Variants in MACROD2 observed in about 807,000 individuals in gnomAD.
MACROD2 encodes mono-ADP ribosylhydrolase 2, also known as ADP-ribose glycohydrolase MACROD2.
In MACROD2, 36 loss-of-function variants were observed where a neutral mutation model predicts 70.4. That is an observed-to-expected ratio of 0.51 (90% confidence interval 0.39 to 0.68). The LOEUF is 0.68. MACROD2 is among the 30% of genes least tolerant of loss of function. MACROD2 has a pLI of 0.00. For synonymous variants in MACROD2, 172 were observed against 178.8 expected (o/e 0.96, Z 0.30); for missense variants, 496 against 538.4 (o/e 0.92, Z 0.78).
chr20:15,215,377 A>C (rs1014170114), intron 5 of MACROD2, among the ~76,000 whole-genome samples: 2 of 151,734 alleles, frequency 1.3e-5, no homozygotes, highest in Non-Finnish European at 2.9e-5. Context: ...AAAACTATGA[A>C]GATCTTAGCA....
chr20:15,749,266 T>A (rs752428765), intron 8 of MACROD2, among the ~76,000 whole-genome samples: 2 of 152,112 alleles, frequency 1.3e-5, no homozygotes, highest in Non-Finnish European at 2.9e-5. Context: ...CACTTGCTGG[T>A]CTGTTATGAA....
intron 15 of MACROD2, among the ~76,000 whole-genome samples, chr20:15,993,393 T>C (rs547899222): frequency 6.6e-6 from 1 of 152,206 alleles, no homozygotes; most frequent in East Asian, 1.9e-4. Context: ...TAGTTATGTT[T>C]TGACATACAA....
intron 4 of MACROD2, among the ~76,000 whole-genome samples, chr20:14,554,845 T>G (rs927257821): frequency 6.6e-6 from 1 of 152,096 alleles, no homozygotes; most frequent in East Asian, 1.9e-4. Flanking sequence ...TCTGATCACC[T>G]ATAAGGAAAG....
chr20:16,040,097 T>C (rs2067288744), intron 15 of MACROD2, among the ~76,000 whole-genome samples: 1 of 152,020 alleles, frequency 6.6e-6, no homozygotes, highest in Non-Finnish European at 1.5e-5. Flanking sequence ...GACTTTGTTC[T>C]TCTTTTCCCA....
Position 15,549,660 on chromosome 20 carries a change from A to G in MACROD2, c.645+49813A>G, listed in dbSNP as rs372434775. Among the ~76,000 whole-genome samples, 601 of 152,264 alleles carry G rather than the reference A, an allele frequency of 3.9e-3. 5 individuals are homozygous for G. Among genetic ancestry groups the G allele is most frequent in the African/African-American group, 0.014 (570 of 41,550 alleles). On this transcript the variant is annotated intron_variant, in intron 8 of 17. Coordinates refer to ENST00000684519, the MANE Select transcript of MACROD2 (RefSeq NM_001351661.2). ...CTTCACATTGCTGTCACAATTCTCC[A>G]GATGGTCCTAAAAGGAGCTCACTTT...
At chr20:14,729,301 C>T (rs916239413) in intron 5 of MACROD2, among the ~76,000 whole-genome samples, 2 of 152,136 alleles carry the variant, frequency 1.3e-5, no homozygotes, top group Admixed American at 6.5e-5. Flanking sequence ...CCAAGAACTT[C>T]CATTTCTAAT....
At chr20:14,988,224 C>T (rs138421809) in intron 5 of MACROD2, among the ~76,000 whole-genome samples, 2 of 151,794 alleles carry the variant, frequency 1.3e-5, no homozygotes, top group East Asian at 1.9e-4. Flanking sequence ...ACTAGCAGGG[C>T]GAGGTGGCGT....
chr20:15,771,505 G>A (rs2051626549), intron 8 of MACROD2, among the ~76,000 whole-genome samples: 1 of 151,586 alleles, frequency 6.6e-6, no homozygotes, highest in African/African-American at 2.4e-5. Flanking sequence ...TTTAAAGAGG[G>A]GAGATAGAAA....
intron 4 of MACROD2, among the ~76,000 whole-genome samples, chr20:14,584,947 T>C (rs1981274063): frequency 6.6e-6 from 1 of 152,192 alleles, no homozygotes; most frequent in Admixed American, 6.5e-5. Context: ...ACTCTAGAAT[T>C]GTATGATTCT....
At chr20:15,301,591 C>CTTTTTTTTTTTGTTTTTTTTTTTTTTTT (rs2077643159) in intron 6 of MACROD2, among the ~76,000 whole-genome samples, 1 of 81,250 alleles carries the variant, frequency 1.2e-5, no homozygotes, top group Non-Finnish European at 2.4e-5. Flanking sequence ...GGTAGGTGGC[C>CTTTTTTTTTTTGTTTTTTTTTTTTTTTT]TTTTTTTTTT....
At chr20:14,104,645 C>T (rs1282776048) in intron 3 of MACROD2, among the ~76,000 whole-genome samples, 2 of 152,118 alleles carry the variant, frequency 1.3e-5, no homozygotes, top group Admixed American at 1.3e-4. Context: ...TCAAGTTTCT[C>T]CCCCAGGGCT....
At chr20:15,850,431 G>A (rs577324074) in intron 8 of MACROD2, among the ~76,000 whole-genome samples, 44 of 152,318 alleles carry the variant, frequency 2.9e-4, no homozygotes, top group African/African-American at 1.0e-3. Context: ...GCAGGTGCTT[G>A]GCCATTGTCT....
chr20:14,020,754 T>C (rs2053065404), intron 2 of MACROD2, among the ~76,000 whole-genome samples: 3 of 152,162 alleles, frequency 2.0e-5, no homozygotes, highest in Admixed American at 2.0e-4. Flanking sequence ...TTGTTGTGTG[T>C]GATTATTGAA....
intron 5 of MACROD2, among the ~76,000 whole-genome samples, chr20:14,937,056 G>A (rs1186453809): frequency 6.6e-6 from 1 of 152,210 alleles, no homozygotes; most frequent in East Asian, 1.9e-4. Flanking sequence ...TGGAAACAAT[G>A]TGGAATGGAG....
At chr20:15,567,102 T>TC (rs1446720887) in intron 8 of MACROD2, among the ~76,000 whole-genome samples, 4 of 151,310 alleles carry the variant, frequency 2.6e-5, no homozygotes, top group African/African-American at 4.9e-5. Flanking sequence ...TATTGTGGGG[T>TC]TTTTTTTTTC....
At chr20:15,496,213 C>T (rs1228379838) in intron 7 of MACROD2, among the ~76,000 whole-genome samples, 2 of 152,132 alleles carry the variant, frequency 1.3e-5, no homozygotes, top group African/African-American at 4.8e-5. Flanking sequence ...GCTGAGCAAA[C>T]AAACTAACGA....
At chr20:15,135,530 ACT>A (rs2076140231) in intron 5 of MACROD2, among the ~76,000 whole-genome samples, 1 of 138,902 alleles carries the variant, frequency 7.2e-6, no homozygotes, top group Non-Finnish European at 1.6e-5. Flanking sequence ...CATGCTAAAA[ACT>A]CTCAATAAAT....
At chr20:15,677,039 A>T (rs1481483829) in intron 8 of MACROD2, among the ~76,000 whole-genome samples, 1 of 152,238 alleles carries the variant, frequency 6.6e-6, no homozygotes, top group African/African-American at 2.4e-5. Flanking sequence ...GGATATTTAT[A>T]TCATCCTGGT....
At chr20:14,926,305 T>G (rs2074231008) in intron 5 of MACROD2, among the ~76,000 whole-genome samples, 1 of 152,042 alleles carries the variant, frequency 6.6e-6, no homozygotes, top group African/African-American at 2.4e-5. Context: ...ATCCCAGCAC[T>G]TTAGGAGGCT....
Sources: gnomAD v4.1 joint callset for allele counts (sites outside exome capture counted in the v4.1 genomes callset) on GRCh38, gnomAD v4.1.1 for gene constraint, MANE v1.5 for transcripts, NCBI Gene and HGNC (gene_info 2026-07-23, HGNC 2026-07-21) for gene names.